Variants in DPH5 observed in about 807,000 individuals in gnomAD.
DPH5 encodes diphthine methyl ester synthase.
Under a neutral mutation model 31.6 loss-of-function variants are expected in DPH5, and 31 were observed. The observed-to-expected ratio is 0.98, with a 90% CI of 0.74 to 1.32. DPH5 has a LOEUF of 1.32. Ranked by LOEUF, DPH5 falls within the 40% of genes most tolerant of loss-of-function variation. The pLI is 0.00. For missense variants in DPH5, 309 were observed against 335.7 expected, an observed-to-expected ratio of 0.92 and a Z score of 0.62; for synonymous variants, 120 against 115.0, an observed-to-expected ratio of 1.04 and a Z score of -0.28.
Position 101,016,988 on chromosome 1 carries a change from C to T in DPH5, c.261-3170G>A, listed in dbSNP as rs192068564. Among the ~76,000 whole-genome samples the T allele has an allele frequency of 5.3e-5, 8 of 152,266 alleles. No homozygotes were observed. In the East Asian group the frequency reaches 1.2e-3, roughly 22 times the overall value. On this transcript the variant is annotated intron_variant, in intron 3 of 7. Transcript: ENST00000370109. ...TCAATTAAGTTCGCCATTTTATATG[C>T]GCTTGGTTTGTGGCAACCCAAAGTA...
At chr1:100,991,569 C>G (rs1464471707) in intron 7 of DPH5, among the ~76,000 whole-genome samples, 1 of 152,090 alleles carries the variant, frequency 6.6e-6, no homozygotes, top group Non-Finnish European at 1.5e-5. Context: ...AGGCGGATCG[C>G]TTGAGCTCAG....
chr1:100,991,329 T>A (rs777040285), intron 7 of DPH5, among the ~76,000 whole-genome samples: 8 of 152,178 alleles, frequency 5.3e-5, no homozygotes, highest in Non-Finnish European at 1.0e-4. Flanking sequence ...GGGAAAGGGG[T>A]CTTGATTGAA....
At chr1:101,006,026 TTGC>T (rs910329425) in intron 4 of DPH5, among the ~76,000 whole-genome samples, 8 of 152,266 alleles carry the variant, frequency 5.3e-5, no homozygotes, top group Admixed American at 4.6e-4. Flanking sequence ...GCGCATCTCT[TTGC>T]TGCTGTCATG....
intron 4 of DPH5, among the ~76,000 whole-genome samples, chr1:101,002,263 T>G (rs1167219175): frequency 6.6e-6 from 1 of 152,216 alleles, no homozygotes; most frequent in Non-Finnish European, 1.5e-5. Context: ...ACCAAGAAGC[T>G]GGCTTCTCTG....
intron 3 of DPH5, among the ~76,000 whole-genome samples, chr1:101,016,605 C>T (rs2101271993): frequency 6.6e-6 from 1 of 151,788 alleles, no homozygotes; most frequent in South Asian, 2.1e-4. Flanking sequence ...GCCACCACGC[C>T]CAGCTAATTT....
chr1:101,013,854 A>G, intron 3 of DPH5, 36 bp from the exon 4 acceptor site: 1 of 1,515,024 alleles, frequency 6.6e-7, no homozygotes, highest in African/African-American at 1.4e-5. Context: ...ATTAAAGCAA[A>G]CAACACTTTT....
intron 3 of DPH5, 98 bp downstream of exon 3, chr1:101,021,543 G>A: frequency 8.0e-7 from 1 of 1,243,644 alleles, no homozygotes; most frequent in Non-Finnish European, 1.1e-6. Flanking sequence ...TTCCTTATCA[G>A]GACCTGGCAG....
intron 3 of DPH5, 125 bp downstream of exon 3, chr1:101,021,516 C>T (rs938343731): frequency 1.0e-5 from 9 of 902,790 alleles, no homozygotes; most frequent in Admixed American, 5.8e-5. Context: ...TTTTAGATAG[C>T]GCTTAAGTAA....
chr1:100,998,626 T>G (rs144814186), intron 5 of DPH5, among the ~76,000 whole-genome samples: 289 of 152,278 alleles, frequency 1.9e-3, no homozygotes, highest in African/African-American at 6.5e-3. Flanking sequence ...GAATATAGAC[T>G]AAATAAAACT....
chr1:101,022,947 C>A lies in DPH5; in HGVS notation c.136-1182G>T, dbSNP rs186718397. The stretch of plus-strand genomic sequence containing the variant: ...CAGTGGCTCTCACCTGTAATCACAG[C>A]ACTTTGGAGGCCGAGGCAGGTGGAT... On this transcript the variant is annotated intron_variant, in intron 2 of 7. Transcript: ENST00000370109. 1.2e-4 allele frequency: 19 copies of A among 152,358 alleles called. 1 individual carries two copies. The East Asian group carries it at 3.5e-3, about 28-fold the overall frequency. The allele number at this position is 152,358 out of a possible 1,614,324, so 9.4% of individuals were successfully genotyped here.
intron 3 of DPH5, among the ~76,000 whole-genome samples, chr1:101,015,371 A>G (rs1660003197): frequency 6.6e-6 from 1 of 152,208 alleles, no homozygotes; most frequent in African/African-American, 2.4e-5. Context: ...TGCATTGTCA[A>G]TGGCAATAAT....
intron 2 of DPH5, 99 bp downstream of exon 2, chr1:101,025,210 T>A (rs1660736707): frequency 1.4e-6 from 2 of 1,475,170 alleles, no homozygotes; most frequent in African/African-American, 1.4e-5. Flanking sequence ...TTCAAAGGGT[T>A]TAAACAAGCA....
At chr1:101,021,285 G>A (rs967542353) in intron 3 of DPH5, among the ~76,000 whole-genome samples, 1 of 152,168 alleles carries the variant, frequency 6.6e-6, no homozygotes, top group African/African-American at 2.4e-5. Context: ...GAAATTATCA[G>A]CAGAAAATGG....
intron 5 of DPH5, among the ~76,000 whole-genome samples, chr1:100,997,833 C>A (rs989493107): frequency 1.3e-5 from 2 of 152,164 alleles, no homozygotes; most frequent in Admixed American, 6.5e-5. Flanking sequence ...ACATCTACTT[C>A]TTTAGCAAAA....
rs1657593355 is a variant in DPH5, at chr1:100,990,636, T to A, written c.635-5A>T. ...AAAGTGTCTCCTCGGTAACTGCTAT[T>A]AAAAAAAAAAGATACTGCTATTCAA... On this transcript the variant is annotated splice_region_variant and splice_polypyrimidine_tract_variant and intron_variant, in intron 7 of 7. Coordinates refer to ENST00000370109, the MANE Select transcript of DPH5 (RefSeq NM_015958.3). 2 of 1,473,544 alleles carry A rather than the reference T, an allele frequency of 1.4e-6. No homozygotes were observed. The highest frequency in any genetic ancestry group is 1.9e-5 in the Admixed American group (1 of 52,266). 91.3% of individuals were successfully genotyped at this position (1,473,544 alleles called of 1,614,324 possible). A position where few individuals can be genotyped will look rare whatever the true frequency, so the allele number is the denominator to read the frequency against.
chr1:101,021,817 AACACACACACACACACACACAC>A (rs67726104), intron 2 of DPH5, 52 bp from the exon 3 acceptor site: 10 of 739,020 alleles, frequency 1.4e-5, no homozygotes, highest in Admixed American at 5.8e-5. Context: ...TGACCATTCT[AACACACACACACACACACACAC>A]ACACACACAC....
At position 101,021,808 on chromosome 1, in the gene DPH5, G is replaced by T. The variant is rs1413445917; in HGVS notation, c.136-43C>A. On this transcript the variant is annotated intron_variant, in intron 2 of 7. Coordinates refer to ENST00000370109, the MANE Select transcript of DPH5 (RefSeq NM_015958.3). Reference sequence around the variant, plus strand: ...ATATCAAGATAAAGAGACAGCAGGTGACCATTCTAACACACACACACACAC... The same window carrying T: ...ATATCAAGATAAAGAGACAGCAGGTTACCATTCTAACACACACACACACAC... The T allele has an allele frequency of 4.7e-6, 7 of 1,497,616 alleles. No individual in the cohort carries two copies. In the African/African-American group the frequency reaches 7.3e-5, roughly 16 times the overall value. 92.8% of individuals were successfully genotyped at this position (1,497,616 alleles called of 1,614,324 possible).
chr1:101,025,141 G>C, intron 2 of DPH5, 168 bp downstream of exon 2: 1 of 779,330 alleles, frequency 1.3e-6, no homozygotes, highest in East Asian at 2.9e-5. Context: ...CAAGTCACTT[G>C]GTTGGTGTAA....
chr1:101,018,119 C>A (rs1660203254), intron 3 of DPH5, among the ~76,000 whole-genome samples: 1 of 151,918 alleles, frequency 6.6e-6, no homozygotes, highest in African/African-American at 2.4e-5. Flanking sequence ...TAATAACATG[C>A]TTGTTACTTG....
Sources: gnomAD v4.1 joint callset for allele counts (sites outside exome capture counted in the v4.1 genomes callset) on GRCh38, gnomAD v4.1.1 for gene constraint, MANE v1.5 for transcripts, NCBI Gene and HGNC (gene_info 2026-07-23, HGNC 2026-07-21) for gene names.